The following MCFD2 variants were observed in gnomAD, a reference collection of about 807,000 sequenced individuals.
The protein encoded by MCFD2 is multiple coagulation factor deficiency protein 2.
Under a neutral mutation model 12.8 loss-of-function variants are expected in MCFD2, and 11 were observed. That is an observed-to-expected ratio of 0.86 (90% confidence interval 0.54 to 1.42). The LOEUF (loss-of-function observed/expected upper bound fraction) is 1.42. Among genes scored for constraint, MCFD2 ranks in the 40% most tolerant of loss-of-function variants. MCFD2 has a pLI of 0.00. For missense variants in MCFD2, 191 were observed against 178.6 expected (o/e 1.07, Z -0.40); for synonymous variants, 70 against 68.1 (o/e 1.03, Z -0.14).
In MCFD2 at chr2:46,908,932, G is replaced by T; in HGVS notation, c.149+91C>A. 1 of 1,510,912 alleles carries T rather than the reference G, an allele frequency of 6.6e-7. No homozygotes were observed. Among genetic ancestry groups the T allele is most frequent in the Non-Finnish European group, 9.2e-7 (1 of 1,086,550 alleles). The allele number at this position is 1,510,912 out of a possible 1,614,324, so 93.6% of individuals were successfully genotyped here. ...TGTCAAGGAGCCATAGAAACAGGAAGAAGGAAAGGAGGACTGAGCATGCCC... is the reference window on the plus strand; with the variant it reads ...TGTCAAGGAGCCATAGAAACAGGAATAAGGAAAGGAGGACTGAGCATGCCC... On this transcript the variant is annotated intron_variant, in intron 2 of 3. Transcript: ENST00000319466. The surrounding 1 kb of genome is among the most constrained non-coding windows in gnomAD (Gnocchi z 4.5).
chr2:46,920,380 A>T (rs759683180), upstream of MCFD2, among the ~76,000 whole-genome samples: 1 of 152,006 alleles, frequency 6.6e-6, no homozygotes, highest in Non-Finnish European at 1.5e-5. Flanking sequence ...CCCAGGCTGG[A>T]GTACAGTGGC....
chr2:46,918,714 C>T (rs953212295), upstream of MCFD2, among the ~76,000 whole-genome samples: 3 of 152,352 alleles, frequency 2.0e-5, no homozygotes, highest in East Asian at 3.9e-4. Flanking sequence ...ATATAGGCCA[C>T]ATGCCAACCA....
chr2:46,923,561 T>G (rs1231082364), intron 1 of MCFD2, among the ~76,000 whole-genome samples: 1 of 152,186 alleles, frequency 6.6e-6, no homozygotes, highest in Non-Finnish European at 1.5e-5. Flanking sequence ...TTACTCTTTT[T>G]AACACAAAAT....
chr2:46,915,645 A>C (rs78969246), intron 1 of MCFD2, 78 bp downstream of exon 1: 4 of 479,330 alleles, frequency 8.3e-6, no homozygotes, highest in East Asian at 3.1e-4. Flanking sequence ...CCTGCCTCTC[A>C]TCTTGAGCCC....
In MCFD2 at chr2:46,941,379, C is replaced by G. The variant is rs1024435053; in HGVS notation, c.-8+193G>C. On this transcript the variant is annotated intron_variant, in intron 1 of 2. Coordinates refer to the MCFD2 transcript ENST00000409147. This position sits in a 1 kb window ranked among gnomAD's most constrained non-coding sequence, Gnocchi z 4.2. The stretch of plus-strand genomic sequence containing the variant: ...GGAGCTGCTGGTGCTGCTGCTGCTG[C>G]TGCTGCCCACCCTCCGCCGCCCGGG... The G allele has an allele frequency of 6.2e-6, 3 of 480,836 alleles. No homozygotes were observed. Among genetic ancestry groups the G allele is most frequent in the Non-Finnish European group, 8.9e-6 (3 of 335,988 alleles). The allele number at this position is 480,836 out of a possible 1,614,324, so 29.8% of individuals were successfully genotyped here. A position where few individuals can be genotyped will look rare whatever the true frequency, so the allele number is the denominator to read the frequency against.
upstream of MCFD2, chr2:46,916,503 C>T (rs1668796629): frequency 6.6e-6 from 1 of 152,536 alleles, no homozygotes; most frequent in Middle Eastern, 3.4e-3. Context: ...GAAACGAATA[C>T]ATCATCCCTG....
At chr2:46,923,246 T>C (rs1669198399) in intron 1 of MCFD2, among the ~76,000 whole-genome samples, 1 of 152,220 alleles carries the variant, frequency 6.6e-6, no homozygotes, top group Non-Finnish European at 1.5e-5. Context: ...CATTAGTCAT[T>C]GGTGATCAAC....
rs1668347586 is a variant in MCFD2, at chr2:46,908,665, G to A, written c.149+358C>T. On this transcript the variant is annotated intron_variant, in intron 2 of 3. Coordinates refer to ENST00000319466, the MANE Select transcript of MCFD2 (RefSeq NM_139279.6). The surrounding 1 kb of genome is among the most constrained non-coding windows in gnomAD (Gnocchi z 4.5). ...GTTTGAATGTGTTGATTTAAAAAAG[G>A]TCTTGTTATAGTCAAGAAACCTTAG... The A allele has an allele frequency of 1.1e-5, 4 of 348,660 alleles. No individual in the cohort carries two copies. The highest frequency in any genetic ancestry group is 5.1e-5 in the South Asian group (2 of 38,962). 21.6% of individuals were successfully genotyped at this position (348,660 alleles called of 1,614,324 possible).
chr2:46,935,207 G>C (rs1210230180), intron 1 of MCFD2, among the ~76,000 whole-genome samples: 2 of 152,054 alleles, frequency 1.3e-5, no homozygotes, highest in Non-Finnish European at 2.9e-5. Context: ...GCTGTGAAGG[G>C]GTCAGGCGTG....
In MCFD2 at chr2:46,941,824, G is replaced by T. The variant is rs1202146904; in HGVS notation, c.-260C>A. On this transcript the variant is annotated 5_prime_UTR_variant, in exon 1 of 3. Coordinates refer to the MCFD2 transcript ENST00000409147. This position sits in a 1 kb window ranked among gnomAD's most constrained non-coding sequence, Gnocchi z 4.2. Reference sequence around the variant, plus strand: ...AGACAGTCCTCGGCCGACAGCGGGCGCCTGCCAGCCCACCGTGCTAGTCTT... The same window carrying T: ...AGACAGTCCTCGGCCGACAGCGGGCTCCTGCCAGCCCACCGTGCTAGTCTT... 6.2e-6 allele frequency: 9 copies of T among 1,449,886 alleles called. No homozygotes were observed. In the South Asian group the frequency reaches 7.7e-5, roughly 12 times the overall value. The allele number at this position is 1,449,886 out of a possible 1,614,324, so 89.8% of individuals were successfully genotyped here.
chr2:46,937,587 A>G lies in MCFD2; in HGVS notation c.-8+3985T>C, dbSNP rs914687022. Among the ~76,000 whole-genome samples, 7 of 152,312 alleles carry G rather than the reference A, an allele frequency of 4.6e-5. No homozygotes were observed. Among genetic ancestry groups the G allele is most frequent in the Admixed American group, 2.6e-4 (4 of 15,292 alleles). ...CATTGGATGAAAAAGTCAGAATGGA[A>G]AACCCCCCAATGATGATTTTTTATT... On this transcript the variant is annotated intron_variant, in intron 1 of 2. Transcript: ENST00000409147. This position sits in a 1 kb window ranked among gnomAD's most constrained non-coding sequence, Gnocchi z 4.0.
intron 1 of MCFD2, among the ~76,000 whole-genome samples, chr2:46,911,645 G>A (rs10168851): frequency 0.076 from 11,616 of 151,950 alleles, 551 homozygotes; most frequent in African/African-American, 0.13. Context: ...ATTTTCAGCC[G>A]GCATGGTGGC....
intron 1 of MCFD2, among the ~76,000 whole-genome samples, chr2:46,930,435 G>GAAAAA (rs56691862): frequency 8.3e-6 from 1 of 120,344 alleles, no homozygotes; most frequent in Non-Finnish European, 1.8e-5. Context: ...GTATTCCTAG[G>GAAAAA]AAAAAAAAAA....
In MCFD2 at chr2:46,904,610, T is replaced by C. The variant is rs1429097578; in HGVS notation, c.*853A>G. 1.3e-5 allele frequency: 2 copies of C among 152,182 alleles called. No individual in the cohort carries two copies. Among genetic ancestry groups the C allele is most frequent in the African/African-American group, 2.4e-5 (1 of 41,450 alleles). The allele number at this position is 152,182 out of a possible 1,614,324, so 9.4% of individuals were successfully genotyped here. Reference sequence around the variant, plus strand: ...GACTTGCATGGGCCCTGTAACCCCTTTATTTTGGCCAATTTCTCCCATTTG... The same window carrying C: ...GACTTGCATGGGCCCTGTAACCCCTCTATTTTGGCCAATTTCTCCCATTTG... On this transcript the variant is annotated 3_prime_UTR_variant, in exon 4 of 4. Transcript: ENST00000319466.
intron 1 of MCFD2, among the ~76,000 whole-genome samples, chr2:46,925,198 T>C (rs554412830): frequency 6.6e-6 from 1 of 152,298 alleles, no homozygotes; most frequent in South Asian, 2.1e-4. Context: ...TTAAGCGATC[T>C]TCCCACCTCA....
chr2:46,924,503 T>G (rs992439178), intron 1 of MCFD2, among the ~76,000 whole-genome samples: 1 of 152,102 alleles, frequency 6.6e-6, no homozygotes, highest in Admixed American at 6.6e-5. Context: ...TAAAGAAAAA[T>G]TATAAAATAT....
intron 1 of MCFD2, among the ~76,000 whole-genome samples, chr2:46,933,247 T>TGGGA (rs1193393081): frequency 6.6e-6 from 1 of 151,902 alleles, no homozygotes; most frequent in Non-Finnish European, 1.5e-5. Context: ...ACTGGGATGG[T>TGGGA]GGGAGGGAGG....
In MCFD2 at chr2:46,915,804, T is replaced by TCGGGGGGGGGGGGG; in HGVS notation, c.-89_-88insCCCCCCCCCCCCCG. The TCGGGGGGGGGGGGG allele has an allele frequency of 1.8e-6, 1 of 568,430 alleles. No individual in the cohort carries two copies. The highest frequency in any genetic ancestry group is 2.0e-6 in the Non-Finnish European group (1 of 510,736). The allele number at this position is 568,430 out of a possible 1,614,324, so 35.2% of individuals were successfully genotyped here. A position where few individuals can be genotyped will look rare whatever the true frequency, so the allele number is the denominator to read the frequency against. On this transcript the variant is annotated 5_prime_UTR_variant, in exon 1 of 4. Coordinates refer to ENST00000319466, the MANE Select transcript of MCFD2 (RefSeq NM_139279.6). ...GTCCCCAAAACGCTCTTCCTCGGCT[T>TCGGGGGGGGGGGGG]CGCCCCGCCCCCCCCCCCCCCCCGA...
intron 1 of MCFD2, among the ~76,000 whole-genome samples, chr2:46,909,682 T>A (rs775675425): frequency 1.3e-5 from 2 of 151,918 alleles, no homozygotes; most frequent in Non-Finnish European, 2.9e-5. Context: ...ACAGGAATGG[T>A]GGGAGCAGAG....
Sources: allele counts gnomAD v4.1 joint callset (sites outside exome capture counted in the v4.1 genomes callset), GRCh38; gene constraint gnomAD v4.1.1; non-coding constraint Gnocchi (gnomAD v3.1); transcripts MANE v1.5; gene names NCBI Gene and HGNC (gene_info 2026-07-23, HGNC 2026-07-21).